The following TXNDC17 variants were observed in gnomAD, a reference collection of about 807,000 sequenced individuals.
The protein encoded by TXNDC17 is thioredoxin domain containing 17.
A neutral mutation model predicts 16.3 loss-of-function variants in TXNDC17; 12 were observed. That is an observed-to-expected ratio of 0.74 (90% CI 0.47 to 1.19). TXNDC17 has a LOEUF of 1.19. Ranked by LOEUF, TXNDC17 falls within the 50% of genes most tolerant of loss-of-function variation. TXNDC17 has a pLI of 0.00. For synonymous variants in TXNDC17, 62 were observed against 55.0 expected, an observed-to-expected ratio of 1.13 and a Z score of -0.56; for missense variants, 158 against 149.7, an observed-to-expected ratio of 1.06 and a Z score of -0.29.
chr17:6,642,466 G>A, intron 3 of TXNDC17, 142 bp downstream of exon 3: 1 of 597,132 alleles, frequency 1.7e-6, no homozygotes, highest in Non-Finnish European at 2.9e-6. Flanking sequence ...CATTCCTATG[G>A]CCAATCCCAA....
Position 6,644,257 on chromosome 17 carries a change from C to G in TXNDC17, c.*1238C>G. On this transcript the variant is annotated 3_prime_UTR_variant, in exon 4 of 4. Transcript: ENST00000250101. ...GCTAAATGCGTAAAAAAGAAAAACA[C>G]CTTACAAATCCACAGGGAAATCAAA... 1.8e-6 allele frequency: 1 copy of G among 570,664 alleles called. No individual in the cohort carries two copies. The highest frequency in any genetic ancestry group is 4.0e-5 in the South Asian group (1 of 24,796). The allele number at this position is 570,664 out of a possible 1,614,324, so 35.4% of individuals were successfully genotyped here.
chr17:6,642,328 A>C lies in TXNDC17; in HGVS notation c.303+4A>C. The C allele has an allele frequency of 6.3e-7, 1 of 1,582,538 alleles. No homozygotes were observed. On this transcript the variant is annotated splice_donor_region_variant and intron_variant, in intron 3 of 3. Coordinates refer to ENST00000250101, the MANE Select transcript of TXNDC17 (RefSeq NM_032731.4). ...TACACTACTTAAGTATGGAACAGTA[A>C]GTATCTTTAAATATGCTGGGCCTGT...
rs1230944608 is a variant in TXNDC17 at position 6,641,205 on chromosome 17, C to T, written c.123C>T (p.Ser41=). ...GTTCTAAGGACGCCGGGGGGAAAAGCTGGTGCCCCGACTGCGTGCAGGGTG... is the reference window on the plus strand; with the variant it reads ...GTTCTAAGGACGCCGGGGGGAAAAGTTGGTGCCCCGACTGCGTGCAGGGTG... ...FTGSKDAGGK[S]WCPDCVQAEP... is the part of the protein sequence containing the mutation. The change falls in exon 1 of 4, where the codon AGC becomes AGT. Residue 41 remains serine (S), a synonymous_variant. Transcript: ENST00000250101. The T allele has an allele frequency of 1.9e-6, 3 of 1,613,418 alleles. No individual in the cohort carries two copies. The highest frequency in any genetic ancestry group is 2.7e-5 in the African/African-American group (2 of 74,944).
rs1411819143 is a variant in TXNDC17 at position 6,642,957 on chromosome 17, A to G, written c.310A>G (p.Lys104Glu). Reference sequence around the variant, plus strand: ...GACTGTTTTTCTCTTACAGCCTCAAAAACTGGTAGAATCTGAGTGTCTTCA... The same window carrying G: ...GACTGTTTTTCTCTTACAGCCTCAAGAACTGGTAGAATCTGAGTGTCTTCA... ...PTLLKYGTPQ[K>E]LVESECLQAN... The change falls in exon 4 of 4, where the codon AAA (lysine) becomes GAA (glutamate). Residue 104 changes from lysine (K) to glutamate (E), a missense_variant. Transcript: ENST00000250101. 6.2e-7 allele frequency: 1 copy of G among 1,613,602 alleles called. No homozygotes were observed. Among genetic ancestry groups the G allele is most frequent in the East Asian group, 2.2e-5 (1 of 44,858 alleles).
chr17:6,642,735 G>A, intron 3 of TXNDC17: 1 of 550,230 alleles, frequency 1.8e-6, no homozygotes, highest in African/African-American at 1.9e-5. Context: ...GGAGCTTCCT[G>A]GTATTTGGGG....
chr17:6,641,246 G>C lies in TXNDC17; in HGVS notation c.145+19G>C. ...GTGCAGGGTGAGGCCGGGATTCGGG[G>C]GCTGCTGTCCAATGGAAATGGCAGG... On this transcript the variant is annotated intron_variant, in intron 1 of 3. Transcript: ENST00000250101. 6.2e-7 allele frequency: 1 copy of C among 1,612,782 alleles called. No individual in the cohort carries two copies.
chr17:6,642,372 T>G, intron 3 of TXNDC17, 48 bp downstream of exon 3: 1 of 1,273,430 alleles, frequency 7.9e-7, no homozygotes. Flanking sequence ...GTCAGAACTC[T>G]TTTAACTTGC....
chr17:6,641,088 C>A lies in TXNDC17; in HGVS notation c.6C>A (p.Ala2=), dbSNP rs776050272. ...AGCGGCTGCACGTCGTGCCAATGGC[C>A]CGCTATGAGGAGGTGAGCGTGTCCG... is the stretch of plus-strand genomic sequence containing the variant. M[A]RYEEVSVSGF... is the part of the protein sequence containing the mutation. Residue 2 remains alanine, a synonymous_variant, in exon 1 of 4, where the codon GCC becomes GCA. Transcript: ENST00000250101. 4 of 1,612,920 alleles carry A rather than the reference C, an allele frequency of 2.5e-6. No individual in the cohort carries two copies. The highest frequency in any genetic ancestry group is 3.4e-6 in the Non-Finnish European group (4 of 1,179,860).
In TXNDC17 at chr17:6,644,162, C is replaced by T. The variant is rs560531210; in HGVS notation, c.*1143C>T. On this transcript the variant is annotated 3_prime_UTR_variant, in exon 4 of 4. Coordinates refer to ENST00000250101, the MANE Select transcript of TXNDC17 (RefSeq NM_032731.4). Reference sequence around the variant, plus strand: ...AATTCAGTATACTTGGTGGCCCACCCCTACCCCATGCCCCAGTGCCTTATT... The same window carrying T: ...AATTCAGTATACTTGGTGGCCCACCTCTACCCCATGCCCCAGTGCCTTATT... The T allele has an allele frequency of 6.3e-5, 28 of 446,614 alleles. No individual in the cohort carries two copies. Among genetic ancestry groups the T allele is most frequent in the East Asian group, 3.0e-4 (9 of 29,728 alleles). The allele number at this position is 446,614 out of a possible 1,614,324, so 27.7% of individuals were successfully genotyped here.
chr17:6,641,291 G>A lies in TXNDC17; in HGVS notation c.145+64G>A, dbSNP rs1194380347. 2.5e-6 allele frequency: 4 copies of A among 1,596,350 alleles called. No homozygotes were observed. In the Admixed American group the frequency reaches 5.1e-5, roughly 20 times the overall value. Reference sequence around the variant, plus strand: ...GGCAGGAAGGTCGAGCCTACGGCCAGAAGGGGGGCTTAGCGGAGGCAGAGT... The same window carrying A: ...GGCAGGAAGGTCGAGCCTACGGCCAAAAGGGGGGCTTAGCGGAGGCAGAGT... On this transcript the variant is annotated intron_variant, in intron 1 of 3. Coordinates refer to ENST00000250101, the MANE Select transcript of TXNDC17 (RefSeq NM_032731.4).
intron 1 of TXNDC17, 188 bp downstream of exon 1, chr17:6,641,415 C>T (rs1972663042): frequency 1.2e-6 from 1 of 809,212 alleles, no homozygotes; most frequent in African/African-American, 1.7e-5. Flanking sequence ...CTTTTACCAC[C>T]TTACCCGGAT....
rs1295098378 is a variant in TXNDC17 at position 6,643,708 on chromosome 17, A to G, written c.*689A>G. Reference sequence around the variant, plus strand: ...CGTCCAAACCTCAGTTTTCTCTTCTATAAACAAGGTTCTTAGAATAAAATG... The same window carrying G: ...CGTCCAAACCTCAGTTTTCTCTTCTGTAAACAAGGTTCTTAGAATAAAATG... On this transcript the variant is annotated 3_prime_UTR_variant, in exon 4 of 4. Coordinates refer to ENST00000250101, the MANE Select transcript of TXNDC17 (RefSeq NM_032731.4). 1 of 158,576 alleles carries G rather than the reference A, an allele frequency of 6.3e-6. No individual in the cohort carries two copies. The highest frequency in any genetic ancestry group is 2.4e-5 in the African/African-American group (1 of 41,696). 9.8% of individuals were successfully genotyped at this position (158,576 alleles called of 1,614,324 possible). A position where few individuals can be genotyped will look rare whatever the true frequency, so the allele number is the denominator to read the frequency against.
In TXNDC17 at chr17:6,643,075, CTG is replaced by C. The variant is rs1016365872; in HGVS notation, c.*58_*59del. On this transcript the variant is annotated 3_prime_UTR_variant, in exon 4 of 4. Transcript: ENST00000250101. ...CCTGATTTGTTCTAGTATCAATAAA[CTG>C]TATACTTGCTTTGAATTCATGTTAG... 34 of 1,425,402 alleles carry C rather than the reference CTG, an allele frequency of 2.4e-5. No homozygotes were observed. Among genetic ancestry groups the C allele is most frequent in the Non-Finnish European group, 3.3e-5 (33 of 1,010,214 alleles). The allele number at this position is 1,425,402 out of a possible 1,614,324, so 88.3% of individuals were successfully genotyped here.
chr17:6,641,873 A>C (rs764641363), intron 2 of TXNDC17, 39 bp downstream of exon 2: 4 of 1,588,512 alleles, frequency 2.5e-6, no homozygotes, highest in Admixed American at 1.7e-5. Context: ...AGACGTGCAC[A>C]AATTGCATAC....
At chr17:6,641,279 A>C (rs759372105) in intron 1 of TXNDC17, 52 bp downstream of exon 1, 1 of 1,605,184 alleles carries the variant, frequency 6.2e-7, no homozygotes, top group Non-Finnish European at 8.5e-7. Flanking sequence ...AGGAAGGTCG[A>C]GCCTACGGCC....
Position 6,642,792 on chromosome 17 carries a change from A to G in TXNDC17, c.304-159A>G, listed in dbSNP as rs1387255781. 4.9e-6 allele frequency: 3 copies of G among 614,512 alleles called. No individual in the cohort carries two copies. In the African/African-American group the frequency reaches 5.6e-5, roughly 11 times the overall value. 38.1% of individuals were successfully genotyped at this position (614,512 alleles called of 1,614,324 possible). A position where few individuals can be genotyped will look rare whatever the true frequency, so the allele number is the denominator to read the frequency against. ...ATGTTAGTGATTCATCTTACAGCAA[A>G]TATATTGATTCTTTCATAAAACTTG... is the stretch of plus-strand genomic sequence containing the variant. On this transcript the variant is annotated intron_variant, in intron 3 of 3. Transcript: ENST00000250101.
intron 2 of TXNDC17, 42 bp downstream of exon 2, chr17:6,641,876 T>C (rs1972681167): frequency 6.3e-7 from 1 of 1,583,268 alleles, no homozygotes; most frequent in Non-Finnish European, 8.7e-7. Flanking sequence ...CGTGCACAAA[T>C]TGCATACTTA....
Position 6,643,264 on chromosome 17 carries a change from AC to A in TXNDC17, c.*246del, listed in dbSNP as rs991309422. 1.6e-5 allele frequency: 6 copies of A among 382,712 alleles called. No homozygotes were observed. Among genetic ancestry groups the A allele is most frequent in the Non-Finnish European group, 2.8e-5 (6 of 211,502 alleles). The allele number at this position is 382,712 out of a possible 1,614,324, so 23.7% of individuals were successfully genotyped here. A position where few individuals can be genotyped will look rare whatever the true frequency, so the allele number is the denominator to read the frequency against. On this transcript the variant is annotated 3_prime_UTR_variant, in exon 4 of 4. Coordinates refer to ENST00000250101, the MANE Select transcript of TXNDC17 (RefSeq NM_032731.4). Reference sequence around the variant, plus strand: ...TCAAAGGAACGTATTCTTGAAGGTGACGGAAATACCTAAAAACTCCTAAAGG... The same window carrying A: ...TCAAAGGAACGTATTCTTGAAGGTGAGGAAATACCTAAAAACTCCTAAAGG...
rs1972647464 is a variant in TXNDC17, at chr17:6,641,129, A to G, written c.47A>G (p.His16Arg). 6.2e-7 allele frequency: 1 copy of G among 1,613,484 alleles called. No individual in the cohort carries two copies. Reference protein sequence around the residue: ...EVSVSGFEEFHRAVEQHNGKT... With the variant: ...EVSVSGFEEFRRAVEQHNGKT... ...AGCGTGTCCGGCTTCGAGGAGTTCC[A>G]CCGGGCCGTGGAACAGCACAATGGC... Residue 16 changes from histidine to arginine, a missense_variant, in exon 1 of 4, where the codon CAC becomes CGC. Coordinates refer to ENST00000250101, the MANE Select transcript of TXNDC17 (RefSeq NM_032731.4).
Sources: allele counts gnomAD v4.1 joint callset, GRCh38; gene constraint gnomAD v4.1.1; transcripts MANE v1.5; gene names NCBI Gene and HGNC (gene_info 2026-07-23, HGNC 2026-07-21).